The following OLFML2B variants were observed in gnomAD, a reference collection of about 807,000 sequenced individuals.
OLFML2B encodes the protein olfactomedin-like protein 2B.
In OLFML2B, 57 loss-of-function variants were observed where a neutral mutation model predicts 74.9. That is an observed-to-expected ratio of 0.76 (90% confidence interval 0.61 to 0.95). The LOEUF is 0.95. OLFML2B is among the 40% of genes least tolerant of loss of function. OLFML2B has a pLI of 0.00. For missense variants in OLFML2B, 986 were observed against 970.6 expected (o/e 1.02, Z -0.21); for synonymous variants, 388 against 405.8 (o/e 0.96, Z 0.53).
chr1:161,987,889 A>C (rs1233873839), intron 6 of OLFML2B, among the ~76,000 whole-genome samples: 1 of 152,196 alleles, frequency 6.6e-6, no homozygotes, highest in Non-Finnish European at 1.5e-5. Context: ...GACAAATGCA[A>C]ATGATTTCAG....
At chr1:162,016,520 A>T (rs896507224) in intron 3 of OLFML2B, among the ~76,000 whole-genome samples, 5 of 152,252 alleles carry the variant, frequency 3.3e-5, no homozygotes, top group Non-Finnish European at 7.3e-5. Flanking sequence ...TGCCACTTAC[A>T]GTAATGCTGT....
chr1:161,997,791 A>G, intron 6 of OLFML2B, 34 bp downstream of exon 6: 1 of 1,580,416 alleles, frequency 6.3e-7, no homozygotes, highest in Non-Finnish European at 8.6e-7. Context: ...ACCTGAGCTG[A>G]TCAGGAGACC....
At position 162,020,023 on chromosome 1, in the gene OLFML2B, A is replaced by C. The variant is rs201831696; in HGVS notation, c.334T>G (p.Ser112Ala). ...FYTVETITSG[S>A]SCKCACVAPP... is the part of the protein sequence containing the mutation. ...GCTACACAGGCACACTTGCACGACG[A>C]GCCTGAGGTGATGGTTTCCACGGTA... The change falls in exon 2 of 8, where the codon TCG (serine) becomes GCG (alanine). Residue 112 changes from serine (S) to alanine (A), a missense_variant. Ser to Ala is a moderately conservative substitution (Grantham distance 99). Transcript: ENST00000294794. 2.0e-5 allele frequency: 32 copies of C among 1,614,082 alleles called. No homozygotes were observed. Among genetic ancestry groups the C allele is most frequent in the Non-Finnish European group, 2.6e-5 (31 of 1,180,034 alleles).
intron 3 of OLFML2B, among the ~76,000 whole-genome samples, chr1:162,016,395 C>T (rs1196771406): frequency 2.6e-5 from 4 of 152,162 alleles, no homozygotes; most frequent in African/African-American, 7.2e-5. Context: ...TGCCACAAAC[C>T]GCTACATCTA....
intron 3 of OLFML2B, among the ~76,000 whole-genome samples, chr1:162,016,424 A>G (rs1690537773): frequency 6.6e-6 from 1 of 152,182 alleles, no homozygotes; most frequent in Non-Finnish European, 1.5e-5. Flanking sequence ...AGATCGAAGA[A>G]CCTTAGCTCT....
chr1:161,988,492 CT>C (rs886593273), intron 6 of OLFML2B, among the ~76,000 whole-genome samples: 3 of 152,070 alleles, frequency 2.0e-5, no homozygotes, highest in Admixed American at 6.5e-5. Flanking sequence ...CTCCAGTCCT[CT>C]TATTCTAGTC....
intron 4 of OLFML2B, among the ~76,000 whole-genome samples, chr1:162,001,474 A>G (rs1008605409): frequency 3.3e-5 from 5 of 152,326 alleles, no homozygotes; most frequent in African/African-American, 1.2e-4. Flanking sequence ...CTGAGCAGCC[A>G]TCTTGTGATC....
intron 3 of OLFML2B, among the ~76,000 whole-genome samples, chr1:162,008,150 C>A (rs1414820833): frequency 6.6e-6 from 1 of 152,206 alleles, no homozygotes; most frequent in African/African-American, 2.4e-5. Context: ...ATTACTGAAA[C>A]ACCTCTGCTT....
chr1:161,986,869 A>T (rs10918378), intron 6 of OLFML2B, among the ~76,000 whole-genome samples: 1 of 152,146 alleles, frequency 6.6e-6, no homozygotes, highest in Non-Finnish European at 1.5e-5. Flanking sequence ...CAAGCCCCAC[A>T]GATGGCCATG....
Position 162,023,305 on chromosome 1 carries a change from G to C in OLFML2B, c.126C>G (p.Asp42Glu). The C allele has an allele frequency of 6.3e-7, 1 of 1,598,794 alleles. No homozygotes were observed. The change falls in exon 1 of 8, where the codon GAC becomes GAG. Residue 42 changes from aspartate (D) to glutamate (E), a missense_variant. Coordinates refer to ENST00000294794, the MANE Select transcript of OLFML2B (RefSeq NM_015441.3). Reference sequence around the variant, plus strand: ...TGTCCGCCTCGTTTTGCAGAGTCTCGTCCTCCGCAGGCGCCACTGTCTGCG... The same window carrying C: ...TGTCCGCCTCGTTTTGCAGAGTCTCCTCCTCCGCAGGCGCCACTGTCTGCG... ...PDAQTVAPAE[D>E]ETLQNEADNQ...
Position 162,006,467 on chromosome 1 carries a change from A to G in OLFML2B, c.553T>C (p.Ser185Pro). Residue 185 changes from serine (S) to proline (P), a missense_variant, in exon 4 of 8, where the codon TCT (serine) becomes CCT (proline). By Grantham distance (74) the Ser-to-Pro change is moderately conservative. Coordinates refer to ENST00000294794, the MANE Select transcript of OLFML2B (RefSeq NM_015441.3). The part of the protein sequence containing the change: ...GRVDKLEEEV[S>P]KNLTKENEQI... ...TCATTTTCCTTGGTGAGGTTTTTAG[A>G]CACTTCCTGAGAAGGAAAAAAAAAA... 4 of 1,526,864 alleles carry G rather than the reference A, an allele frequency of 2.6e-6. No individual in the cohort carries two copies. Among genetic ancestry groups the G allele is most frequent in the Non-Finnish European group, 3.5e-6 (4 of 1,146,110 alleles). 94.6% of individuals were successfully genotyped at this position (1,526,864 alleles called of 1,614,324 possible).
At chr1:161,997,591 C>T (rs1689948258) in intron 6 of OLFML2B, among the ~76,000 whole-genome samples, 1 of 152,204 alleles carries the variant, frequency 6.6e-6, no homozygotes, top group African/African-American at 2.4e-5. Context: ...ATCTTGACTC[C>T]ATTAATTTAT....
intron 1 of OLFML2B, 72 bp from the exon 2 acceptor site, chr1:162,020,254 A>G: frequency 6.4e-7 from 1 of 1,558,786 alleles, no homozygotes; most frequent in Non-Finnish European, 8.7e-7. Context: ...GAGGCTCTCC[A>G]TTTACTTAGT....
intron 5 of OLFML2B, 32 bp from the exon 6 acceptor site, chr1:161,998,381 C>T (rs759320872): frequency 5.2e-6 from 8 of 1,527,154 alleles, no homozygotes; most frequent in Admixed American, 2.0e-5. Context: ...CACTGTGGCA[C>T]GGGAAAGAAA....
In OLFML2B at chr1:162,012,288, A is replaced by G. The variant is rs912124293; in HGVS notation, c.546+5112T>C. Among the ~76,000 whole-genome samples, 4 of 152,212 alleles carry G rather than the reference A, an allele frequency of 2.6e-5. No individual in the cohort carries two copies. In the South Asian group the frequency reaches 8.3e-4, roughly 32 times the overall value. Reference sequence around the variant, plus strand: ...GGCTTGGAAAGAGACAGCTCCCCCAACTCACAGCCAAGTCTGCACAGATGA... The same window carrying G: ...GGCTTGGAAAGAGACAGCTCCCCCAGCTCACAGCCAAGTCTGCACAGATGA... On this transcript the variant is annotated intron_variant, in intron 3 of 7. Coordinates refer to ENST00000294794, the MANE Select transcript of OLFML2B (RefSeq NM_015441.3).
chr1:162,005,043 T>C (rs558960395), intron 4 of OLFML2B, among the ~76,000 whole-genome samples: 63 of 152,370 alleles, frequency 4.1e-4, no homozygotes, highest in African/African-American at 1.4e-3. Context: ...GTCTTGCTAA[T>C]AGGACTCTTC....
Position 161,984,877 on chromosome 1 carries a change from C to T in OLFML2B, c.1578G>A (p.Glu526=), listed in dbSNP as rs1689543831. The T allele has an allele frequency of 6.2e-7, 1 of 1,612,616 alleles. No individual in the cohort carries two copies. The highest frequency in any genetic ancestry group is 8.5e-7 in the Non-Finnish European group (1 of 1,179,862). The part of the protein sequence containing the change: ...AWMKDPLAKD[E]RIYVTNYYYG... ...AGTAATAGTTGGTTACGTAAATCCG[C>T]TCATCCTTGGCCAGGGGGTCCTTCA... The change falls in exon 7 of 8, where the codon GAG becomes GAA. Residue 526 remains glutamate (E), a synonymous_variant. Coordinates refer to ENST00000294794, the MANE Select transcript of OLFML2B (RefSeq NM_015441.3).
intron 5 of OLFML2B, among the ~76,000 whole-genome samples, chr1:161,999,304 C>T (rs1690017763): frequency 6.6e-6 from 1 of 152,174 alleles, no homozygotes; most frequent in Admixed American, 6.5e-5. Flanking sequence ...GGAGAAAATA[C>T]TTGCAATACA....
At chr1:162,009,955 G>C (rs1329699346) in intron 3 of OLFML2B, among the ~76,000 whole-genome samples, 1 of 152,228 alleles carries the variant, frequency 6.6e-6, no homozygotes, top group Non-Finnish European at 1.5e-5. Context: ...CATGCCTCAG[G>C]CTCTTCCCCC....
Sources: allele counts gnomAD v4.1 joint callset (sites outside exome capture counted in the v4.1 genomes callset), GRCh38; gene constraint gnomAD v4.1.1; transcripts MANE v1.5; gene names NCBI Gene and HGNC (gene_info 2026-07-23, HGNC 2026-07-21).